Variants in STAU2 observed in about 807,000 individuals in gnomAD.
STAU2 encodes the protein double-stranded RNA-binding protein Staufen homolog 2.
A neutral mutation model predicts 65.9 loss-of-function variants in STAU2; 20 were observed. The observed-to-expected ratio is 0.30, with a 90% CI of 0.21 to 0.44. The LOEUF (loss-of-function observed/expected upper bound fraction) is 0.44. STAU2 is among the 20% of genes least tolerant of loss of function. STAU2 has a pLI of 1.00. For synonymous variants in STAU2, 232 were observed against 233.9 expected (o/e 0.99, Z 0.07); for missense variants, 558 against 683.9 (o/e 0.82, Z 2.05).
intron 4 of STAU2, among the ~76,000 whole-genome samples, chr8:73,697,935 C>G (rs1024918472): frequency 4.6e-5 from 7 of 151,854 alleles, no homozygotes; most frequent in African/African-American, 1.7e-4. Flanking sequence ...CAAAAATTAG[C>G]CAGGTGTGGT....
At chr8:73,567,688 T>C (rs558120568) in intron 12 of STAU2, among the ~76,000 whole-genome samples, 46 of 152,094 alleles carry the variant, frequency 3.0e-4, no homozygotes, top group African/African-American at 1.0e-3. Flanking sequence ...ATTGGAATTA[T>C]AGGCATGTGC....
chr8:73,565,646 C>CCCA (rs955157745), intron 12 of STAU2, among the ~76,000 whole-genome samples: 25 of 152,130 alleles, frequency 1.6e-4, no homozygotes, highest in Non-Finnish European at 3.5e-4. Flanking sequence ...TTTGATTTAA[C>CCCA]CCACCACCAC....
chr8:73,489,659 C>A (rs370048616), intron 13 of STAU2, among the ~76,000 whole-genome samples: 2 of 152,032 alleles, frequency 1.3e-5, no homozygotes, highest in African/African-American at 4.8e-5. Flanking sequence ...AAGTTCCAAT[C>A]ATTTATACTT....
intron 3 of STAU2, among the ~76,000 whole-genome samples, chr8:73,725,442 T>TTC (rs1269382373): frequency 6.6e-6 from 1 of 152,212 alleles, no homozygotes; most frequent in Non-Finnish European, 1.5e-5. Flanking sequence ...ATCAATTAAT[T>TTC]TCTATGTATA....
intron 13 of STAU2, among the ~76,000 whole-genome samples, chr8:73,526,515 T>C (rs1805469052): frequency 1.3e-5 from 2 of 152,288 alleles, no homozygotes; most frequent in South Asian, 4.2e-4. Context: ...AAGCAAGAAG[T>C]ACTAGTGAGA....
rs974621354 is a variant in STAU2, at chr8:73,548,428, C to T, written c.1530+3584G>A. ...CAGCCCCATCCCAATATAACCTATA[C>T]TAAGTCATATTGTTAAAAAATAAAT... On this transcript the variant is annotated intron_variant, in intron 13 of 14. Coordinates refer to ENST00000524300, the MANE Select transcript of STAU2 (RefSeq NM_001164380.2). 8.5e-5 allele frequency among the ~76,000 whole-genome samples: 13 copies of T among 152,134 alleles called. No homozygotes were observed. In the East Asian group the frequency reaches 9.7e-4, roughly 11 times the overall value.
intron 4 of STAU2, among the ~76,000 whole-genome samples, chr8:73,706,219 C>G (rs1198474872): frequency 1.3e-5 from 2 of 152,026 alleles, no homozygotes; most frequent in East Asian, 3.9e-4. Flanking sequence ...CAGGTTCAAG[C>G]AATTCTCCTG....
intron 10 of STAU2, among the ~76,000 whole-genome samples, chr8:73,600,194 T>C (rs1563449664): frequency 6.6e-6 from 1 of 152,254 alleles, no homozygotes; most frequent in Non-Finnish European, 1.5e-5. Context: ...AAAGGTGCTG[T>C]ACTCTCTTTT....
intron 12 of STAU2, among the ~76,000 whole-genome samples, chr8:73,564,090 G>A (rs1316417259): frequency 6.6e-6 from 1 of 152,140 alleles, no homozygotes; most frequent in African/African-American, 2.4e-5. Context: ...CCGGGAGAGA[G>A]CATTCCAGAT....
intron 12 of STAU2, among the ~76,000 whole-genome samples, chr8:73,562,843 T>G (rs1808326757): frequency 6.6e-6 from 1 of 152,050 alleles, no homozygotes; most frequent in South Asian, 2.1e-4. Context: ...CTGGGTGCAG[T>G]GGCTCACACC....
chr8:73,424,010 T>C (rs1012837945), intron 13 of STAU2, among the ~76,000 whole-genome samples: 40 of 152,068 alleles, frequency 2.6e-4, no homozygotes, highest in South Asian at 6.2e-4. Context: ...TCATATAAAA[T>C]AGTTCCACAG....
chr8:73,554,833 G>A (rs1328098666), intron 12 of STAU2, among the ~76,000 whole-genome samples: 1 of 152,118 alleles, frequency 6.6e-6, no homozygotes, highest in African/African-American at 2.4e-5. Context: ...TAATAATCTG[G>A]CTCCTACTTA....
intron 13 of STAU2, among the ~76,000 whole-genome samples, chr8:73,474,497 C>T (rs943136432): frequency 4.6e-5 from 7 of 152,118 alleles, no homozygotes; most frequent in Non-Finnish European, 8.8e-5. Context: ...ACTCACAATC[C>T]GCTGCTCTAT....
intron 6 of STAU2, among the ~76,000 whole-genome samples, chr8:73,619,599 T>C (rs1423865577): frequency 6.6e-6 from 1 of 152,138 alleles, no homozygotes; most frequent in Non-Finnish European, 1.5e-5. Context: ...GAACTAGAAA[T>C]GTTGATTGGT....
intron 6 of STAU2, among the ~76,000 whole-genome samples, chr8:73,654,285 G>T (rs567347219): frequency 1.3e-5 from 2 of 151,976 alleles, no homozygotes; most frequent in Admixed American, 6.6e-5. Flanking sequence ...TACCAGAAAA[G>T]AAAAATAAGA....
chr8:73,690,488 A>G (rs999470946), intron 4 of STAU2, among the ~76,000 whole-genome samples: 6 of 152,134 alleles, frequency 3.9e-5, no homozygotes, highest in African/African-American at 1.4e-4. Flanking sequence ...ACATTAAGTA[A>G]TAGGTTTAGC....
At chr8:73,476,879 T>TA in intron 13 of STAU2, among the ~76,000 whole-genome samples, 1 of 152,318 alleles carries the variant, frequency 6.6e-6, no homozygotes, top group South Asian at 2.1e-4. Context: ...AAGAAGTGGC[T>TA]TCTAGGTACC....
At chr8:73,733,316 G>C (rs1023697997) in intron 3 of STAU2, among the ~76,000 whole-genome samples, 1 of 152,124 alleles carries the variant, frequency 6.6e-6, no homozygotes, top group African/African-American at 2.4e-5. Context: ...AGGACACACT[G>C]ACCTGTCAAG....
intron 6 of STAU2, among the ~76,000 whole-genome samples, chr8:73,663,239 C>T (rs1465366296): frequency 6.6e-6 from 1 of 152,150 alleles, no homozygotes; most frequent in African/African-American, 2.4e-5. Flanking sequence ...TCCAATGACA[C>T]TTTACTGACA....
Sources: allele counts gnomAD v4.1 joint callset (sites outside exome capture counted in the v4.1 genomes callset), GRCh38; gene constraint gnomAD v4.1.1; transcripts MANE v1.5; gene names NCBI Gene and HGNC (gene_info 2026-07-23, HGNC 2026-07-21).